The following TCERG1L variants were observed in gnomAD, a reference collection of about 807,000 sequenced individuals.
TCERG1L encodes the protein transcription elongation regulator 1-like protein.
A neutral mutation model predicts 56.3 loss-of-function variants in TCERG1L; 37 were observed. The ratio of observed to expected loss-of-function variants is 0.66; its 90% CI spans 0.51 to 0.87. The LOEUF is 0.87. Ranked by LOEUF, TCERG1L falls within the 40% of genes least tolerant of loss-of-function variation. TCERG1L has a pLI of 0.00. For missense variants in TCERG1L, 799 were observed against 774.2 expected (o/e 1.03, Z -0.38); for synonymous variants, 324 against 326.3 (o/e 0.99, Z 0.08).
At chr10:131,270,757 T>C (rs577050484) in intron 3 of TCERG1L, among the ~76,000 whole-genome samples, 46 of 152,292 alleles carry the variant, frequency 3.0e-4, no homozygotes, top group African/African-American at 1.1e-3. Flanking sequence ...TGCAGGCAAA[T>C]GTCCATTGTC....
intron 4 of TCERG1L, among the ~76,000 whole-genome samples, chr10:131,168,421 A>G (rs1846054298): frequency 6.6e-6 from 1 of 152,170 alleles, no homozygotes; most frequent in Non-Finnish European, 1.5e-5. Flanking sequence ...GCGGCTGCAG[A>G]GCCAGGTGGT....
At chr10:131,264,754 G>A (rs1209191294) in intron 3 of TCERG1L, among the ~76,000 whole-genome samples, 3 of 152,246 alleles carry the variant, frequency 2.0e-5, no homozygotes, top group African/African-American at 7.2e-5. Flanking sequence ...CGTGTTGGCG[G>A]GGGAGGGCAA....
At chr10:131,236,297 T>C (rs1360707368) in intron 4 of TCERG1L, among the ~76,000 whole-genome samples, 1 of 152,238 alleles carries the variant, frequency 6.6e-6, no homozygotes, top group African/African-American at 2.4e-5. Flanking sequence ...CTCCGTAAAT[T>C]AGCTATTGCT....
At chr10:131,190,445 CAAAAAAGGAAAGGATA>C (rs1845291300) in intron 4 of TCERG1L, among the ~76,000 whole-genome samples, 2 of 103,454 alleles carry the variant, frequency 1.9e-5, no homozygotes, top group African/African-American at 3.9e-5. Context: ...ACCCTTTTAC[CAAAAAAGGAAAGGATA>C]TAACAAAAAA....
intron 3 of TCERG1L, among the ~76,000 whole-genome samples, chr10:131,272,386 G>A (rs1347043721): frequency 6.6e-6 from 1 of 152,200 alleles, no homozygotes; most frequent in Non-Finnish European, 1.5e-5. Context: ...TTTTCTGAAA[G>A]GCATCCAATG....
intron 4 of TCERG1L, among the ~76,000 whole-genome samples, chr10:131,169,507 G>A (rs1359023567): frequency 2.6e-5 from 4 of 152,168 alleles, no homozygotes; most frequent in Non-Finnish European, 5.9e-5. Context: ...CATATTTCAC[G>A]ACTGCTCTGA....
chr10:131,134,846 G>C (rs1845657672), intron 7 of TCERG1L, among the ~76,000 whole-genome samples: 2 of 152,162 alleles, frequency 1.3e-5, no homozygotes, highest in African/African-American at 4.8e-5. Context: ...CCCCAGGGAA[G>C]GGTGGCCCCC....
chr10:131,146,696 G>A lies in TCERG1L; in HGVS notation c.1035-36C>T, dbSNP rs746475882. 20 of 1,579,070 alleles carry A rather than the reference G, an allele frequency of 1.3e-5. 1 individual carries two copies. The highest frequency in any genetic ancestry group is 6.8e-5 in the African/African-American group (5 of 73,662). On this transcript the variant is annotated intron_variant, in intron 6 of 11. Transcript: ENST00000368642. ...GGAAAAACTCATCTCAGTCGCTCTC[G>A]GAGACACTTAATTAGAAAGTCGTTA...
intron 1 of TCERG1L, among the ~76,000 whole-genome samples, chr10:131,309,834 C>CAAAAAAAAAATA (rs1846860935): frequency 2.0e-5 from 1 of 49,822 alleles, no homozygotes; most frequent in Non-Finnish European, 3.5e-5. Flanking sequence ...GATTCTATGG[C>CAAAAAAAAAATA]AAAAAAAAAA....
At chr10:131,114,743 CTG>C (rs1845438818) in intron 9 of TCERG1L, among the ~76,000 whole-genome samples, 2 of 152,186 alleles carry the variant, frequency 1.3e-5, no homozygotes, top group African/African-American at 2.4e-5. Context: ...TAGTTTAAAA[CTG>C]TGTTGGTAAA....
Position 131,102,567 on chromosome 10 carries a change from G to C in TCERG1L, c.1485+1698C>G, listed in dbSNP as rs865802927. ...GCTTTATCAGACTCTGCTGGTGTGA[G>C]AAATCCAGTGGACACCAACATGGGG... On this transcript the variant is annotated intron_variant, in intron 10 of 11. Coordinates refer to ENST00000368642, the MANE Select transcript of TCERG1L (RefSeq NM_174937.4). Among the ~76,000 whole-genome samples the C allele has an allele frequency of 2.6e-5, 4 of 152,316 alleles. No homozygotes were observed. The South Asian group carries it at 6.2e-4, about 24-fold the overall frequency.
At chr10:131,144,790 C>T (rs1330102177) in intron 7 of TCERG1L, among the ~76,000 whole-genome samples, 1 of 152,178 alleles carries the variant, frequency 6.6e-6, no homozygotes, top group East Asian at 1.9e-4. Flanking sequence ...AAAACCTTAA[C>T]TCTCTACCTT....
Position 131,191,329 on chromosome 10 carries a change from G to A in TCERG1L, c.857-24444C>T, listed in dbSNP as rs1161734562. On this transcript the variant is annotated intron_variant, in intron 4 of 11. Transcript: ENST00000368642. ...GCCAAAAGCAATCTGCAGATTCAAC[G>A]CAGTTACCATCAAAATACCAACATC... Among the ~76,000 whole-genome samples the A allele has an allele frequency of 4.2e-5, 6 of 143,542 alleles. 1 individual carries two copies. The highest frequency in any genetic ancestry group is 2.2e-4 in the South Asian group (1 of 4,622). The allele number at this position is 143,542 out of a possible 152,430, so 94.2% of individuals were successfully genotyped here.
intron 11 of TCERG1L, 22 bp downstream of exon 11, chr10:131,098,284 C>T (rs372536725): frequency 4.4e-5 from 68 of 1,547,242 alleles, no homozygotes; most frequent in African/African-American, 2.2e-4. Flanking sequence ...AGAAATCATC[C>T]GGTATATTTC....
intron 3 of TCERG1L, among the ~76,000 whole-genome samples, chr10:131,285,429 AAGAG>A (rs1201297859): frequency 1.4e-5 from 1 of 73,192 alleles, no homozygotes; most frequent in Non-Finnish European, 2.7e-5. Context: ...GAGAGAGAGA[AAGAG>A]AGAAAGAGAA....
intron 2 of TCERG1L, 22 bp downstream of exon 2, chr10:131,309,131 A>G: frequency 6.2e-7 from 1 of 1,604,528 alleles, no homozygotes; most frequent in South Asian, 1.1e-5. Flanking sequence ...CCCTTATCCA[A>G]TTAAATCACT....
intron 3 of TCERG1L, among the ~76,000 whole-genome samples, chr10:131,275,001 G>A (rs769958275): frequency 1.3e-5 from 2 of 152,096 alleles, no homozygotes; most frequent in Non-Finnish European, 2.9e-5. Flanking sequence ...GACTGATGCT[G>A]ACTCCTGATC....
Position 131,271,746 on chromosome 10 carries a change from G to A in TCERG1L, c.671-11302C>T, listed in dbSNP as rs535944192. Among the ~76,000 whole-genome samples, 16 of 152,332 alleles carry A rather than the reference G, an allele frequency of 1.1e-4. No individual in the cohort carries two copies. The South Asian group carries it at 3.3e-3, about 32-fold the overall frequency. ...AGGGAAGGCCTGGAGGCCTCCCCGAGGGCAGAGGGTTTTAGGCAAAGCCCA... is the reference window on the plus strand; with the variant it reads ...AGGGAAGGCCTGGAGGCCTCCCCGAAGGCAGAGGGTTTTAGGCAAAGCCCA... On this transcript the variant is annotated intron_variant, in intron 3 of 11. Transcript: ENST00000368642.
intron 7 of TCERG1L, among the ~76,000 whole-genome samples, chr10:131,140,935 C>A (rs1257533348): frequency 1.3e-5 from 2 of 151,982 alleles, no homozygotes; most frequent in Non-Finnish European, 2.9e-5. Context: ...ACCAACAGGT[C>A]CAGCCAGGTG....
Sources: allele counts gnomAD v4.1 joint callset (sites outside exome capture counted in the v4.1 genomes callset), GRCh38; gene constraint gnomAD v4.1.1; transcripts MANE v1.5; gene names NCBI Gene and HGNC (gene_info 2026-07-23, HGNC 2026-07-21).